Variants in GAS6 observed in about 807,000 individuals in gnomAD.
The protein encoded by GAS6 is growth arrest-specific protein 6.
In GAS6, 41 loss-of-function variants were observed where a neutral mutation model predicts 75.8. That is an observed-to-expected ratio of 0.54 (90% CI 0.42 to 0.70). The LOEUF is 0.70. Ranked by LOEUF, GAS6 falls within the 30% of genes least tolerant of loss-of-function variation. The pLI, the probability that GAS6 is intolerant of heterozygous loss-of-function variation, is 0.00. For synonymous variants in GAS6, 432 were observed against 412.6 expected (o/e 1.05, Z -0.57); for missense variants, 854 against 940.2 (o/e 0.91, Z 1.20).
intron 12 of GAS6, 36 bp downstream of exon 12, chr13:113,826,960 G>A (rs769521157): frequency 6.3e-7 from 1 of 1,591,060 alleles, no homozygotes; most frequent in Non-Finnish European, 8.6e-7. Flanking sequence ...TGAAGGTGCA[G>A]CCACAGCCAC....
At chr13:113,850,132 G>A (rs893084325) in intron 2 of GAS6, among the ~76,000 whole-genome samples, 2 of 152,122 alleles carry the variant, frequency 1.3e-5, no homozygotes, top group African/African-American at 4.8e-5. Context: ...CCCAGAAATG[G>A]CTTTGAGTAA....
intron 14 of GAS6, chr13:113,821,702 G>A: frequency 2.0e-6 from 1 of 498,922 alleles, no homozygotes; most frequent in South Asian, 3.5e-5. Context: ...CCCTGAAGAT[G>A]CAGGTTCGTG....
At chr13:113,856,410 T>A (rs1594209780) in intron 2 of GAS6, among the ~76,000 whole-genome samples, 3 of 152,058 alleles carry the variant, frequency 2.0e-5, no homozygotes, top group African/African-American at 4.8e-5. Flanking sequence ...AGTTTCCACA[T>A]CTGTAAAATG....
chr13:113,826,984 G>A lies in GAS6; in HGVS notation c.1477+12C>T. The A allele has an allele frequency of 6.2e-7, 1 of 1,611,520 alleles. No individual in the cohort carries two copies. The highest frequency in any genetic ancestry group is 8.5e-7 in the Non-Finnish European group (1 of 1,179,140). On this transcript the variant is annotated intron_variant, in intron 12 of 14. Transcript: ENST00000327773. The stretch of plus-strand genomic sequence containing the variant: ...AGCCACAGCCACCCCAACGGTAAGA[G>A]CCAAGACTTACTGTAGTCCAGGCTG...
Position 113,834,655 on chromosome 13 carries a change from G to T in GAS6, c.730C>A (p.Gln244Lys). 1 of 1,590,082 alleles carries T rather than the reference G, an allele frequency of 6.3e-7. No individual in the cohort carries two copies. Residue 244 changes from glutamine to lysine, a missense_variant, in exon 8 of 15, where the codon CAG (glutamine) becomes AAG (lysine). Transcript: ENST00000327773. The part of the protein sequence containing the change: ...KACRDVDECL[Q>K]GRCEQVCVNS... ...ACGCAGACCTGCTCACAGCGGCCCT[G>T]CAGACACTCGTCCACATCTGCCAGC...
chr13:113,828,139 C>G (rs934634575), intron 11 of GAS6, among the ~76,000 whole-genome samples: 6 of 152,136 alleles, frequency 3.9e-5, no homozygotes, highest in Non-Finnish European at 8.8e-5. Flanking sequence ...TGGCGGGCGC[C>G]TGTAGTCCCA....
At chr13:113,858,903 A>G (rs1199830309) in intron 2 of GAS6, among the ~76,000 whole-genome samples, 1 of 149,492 alleles carries the variant, frequency 6.7e-6, no homozygotes, top group Non-Finnish European at 1.5e-5. Flanking sequence ...GAATGTGTGC[A>G]TGTATGTGTA....
chr13:113,863,826 G>C lies in GAS6; in HGVS notation c.88+7C>G, dbSNP rs911591352. Reference sequence around the variant, plus strand: ...CGGGGACGGGGTCTCGGGCCCGCGGGACTCACCAAGCGCGCACTCCGCGGC... The same window carrying C: ...CGGGGACGGGGTCTCGGGCCCGCGGCACTCACCAAGCGCGCACTCCGCGGC... On this transcript the variant is annotated splice_region_variant and intron_variant, in intron 1 of 14. Coordinates refer to ENST00000327773, the MANE Select transcript of GAS6 (RefSeq NM_000820.4). The surrounding 1 kb of genome is among the most constrained non-coding windows in gnomAD (Gnocchi z 9.4). 46 of 1,358,846 alleles carry C rather than the reference G, an allele frequency of 3.4e-5. No individual in the cohort carries two copies. Among genetic ancestry groups the C allele is most frequent in the Non-Finnish European group, 4.2e-5 (45 of 1,066,380 alleles). The allele number at this position is 1,358,846 out of a possible 1,614,324, so 84.2% of individuals were successfully genotyped here. A position where few individuals can be genotyped will look rare whatever the true frequency, so the allele number is the denominator to read the frequency against.
intron 11 of GAS6, among the ~76,000 whole-genome samples, chr13:113,827,813 G>T (rs1476142621): frequency 2.6e-5 from 4 of 152,228 alleles, no homozygotes; most frequent in Non-Finnish European, 5.9e-5. Flanking sequence ...GGAGACACAG[G>T]TCGGGGGCAC....
chr13:113,846,813 C>T (rs1309165633), intron 3 of GAS6, among the ~76,000 whole-genome samples: 1 of 152,256 alleles, frequency 6.6e-6, no homozygotes, highest in Non-Finnish European at 1.5e-5. Flanking sequence ...TGTGCACCCA[C>T]AGTCAAGTGC....
Position 113,846,539 on chromosome 13 carries a change from T to C in GAS6, c.331A>G (p.Thr111Ala), listed in dbSNP as rs1232250578. ...SPYTKNSGFA[T>A]CVQNLPDQCT... ...GAGGCCGACTTACTTTGCACGCAGG[T>C]GGCGAAGCCTGAGTTTTTGGTGTAC... The change falls in exon 4 of 15, where the codon ACC (threonine) becomes GCC (alanine). Residue 111 changes from threonine to alanine, a missense_variant. Thr to Ala is a moderately conservative substitution (Grantham distance 58). Transcript: ENST00000327773. 6.2e-7 allele frequency: 1 copy of C among 1,614,054 alleles called. No homozygotes were observed. Among genetic ancestry groups the C allele is most frequent in the Admixed American group, 1.7e-5 (1 of 60,028 alleles).
At chr13:113,821,636 C>T (rs879904871) in intron 14 of GAS6, 36 of 371,470 alleles carry the variant, frequency 9.7e-5, no homozygotes, top group African/African-American at 7.2e-4. Context: ...CAGCCTGGCC[C>T]GAGGTCTGCC....
chr13:113,852,105 G>A (rs1053527834), intron 2 of GAS6, among the ~76,000 whole-genome samples: 4 of 152,222 alleles, frequency 2.6e-5, no homozygotes, highest in East Asian at 1.9e-4. Flanking sequence ...AGGCTCTGGC[G>A]CAACTGTGAG....
chr13:113,828,760 G>C, intron 10 of GAS6, 49 bp from the exon 11 acceptor site: 1 of 1,585,376 alleles, frequency 6.3e-7, no homozygotes, highest in Non-Finnish European at 8.6e-7. Context: ...ACGTTCTGAA[G>C]GGGCTCCCAA....
At chr13:113,821,775 C>A in intron 14 of GAS6, 183 bp downstream of exon 14, 2 of 584,918 alleles carry the variant, frequency 3.4e-6, no homozygotes, top group Non-Finnish European at 6.0e-6. Context: ...AATGACCTGA[C>A]CAGCACCGAG....
rs767392304 is a variant in GAS6 at position 113,835,587 on chromosome 13, T to C, written c.638A>G (p.Lys213Arg). 7 of 1,612,504 alleles carry C rather than the reference T, an allele frequency of 4.3e-6. No individual in the cohort carries two copies. Among genetic ancestry groups the C allele is most frequent in the Non-Finnish European group, 5.1e-6 (6 of 1,179,878 alleles). ...DSEACGEARC[K>R]NLPGSYSCLC... is the part of the protein sequence containing the mutation. Reference sequence around the variant, plus strand: ...GCAGGAGTAGGAGCCGGGCAGGTTCTTGCAGCGCGCCTCCCCGCAGGCCTC... The same window carrying C: ...GCAGGAGTAGGAGCCGGGCAGGTTCCTGCAGCGCGCCTCCCCGCAGGCCTC... The change falls in exon 7 of 15, where the codon AAG becomes AGG. Residue 213 changes from lysine to arginine, a missense_variant. Transcript: ENST00000327773.
chr13:113,861,482 A>C (rs2051970649), intron 2 of GAS6, among the ~76,000 whole-genome samples: 1 of 152,340 alleles, frequency 6.6e-6, no homozygotes, highest in East Asian at 1.9e-4. Flanking sequence ...ACAAAATGTA[A>C]AGTGAGCAAC....
intron 10 of GAS6, 26 bp downstream of exon 10, chr13:113,832,273 G>A: frequency 6.3e-7 from 1 of 1,592,554 alleles, no homozygotes; most frequent in Non-Finnish European, 8.5e-7. Context: ...CGTGAGGCCT[G>A]GAAGGGGTGG....
At position 113,844,116 on chromosome 13, in the gene GAS6, C is replaced by A. The variant is rs931579470; in HGVS notation, c.343+2411G>T. The A allele has an allele frequency of 6.6e-6, 1 of 150,892 alleles. No individual in the cohort carries two copies. Among genetic ancestry groups the A allele is most frequent in the Admixed American group, 6.5e-5 (1 of 15,276 alleles). The allele number at this position is 150,892 out of a possible 1,614,324, so 9.3% of individuals were successfully genotyped here. A position where few individuals can be genotyped will look rare whatever the true frequency, so the allele number is the denominator to read the frequency against. ...CACAGGCAGGGCAGCCTCTGAGGGC[C>A]GGCTCAGGGAGAGTGGCCGGAGCTT... On this transcript the variant is annotated intron_variant, in intron 4 of 14. Coordinates refer to ENST00000327773, the MANE Select transcript of GAS6 (RefSeq NM_000820.4). This position sits in a 1 kb window ranked among gnomAD's most constrained non-coding sequence, Gnocchi z 5.7.
Sources: allele counts gnomAD v4.1 joint callset (sites outside exome capture counted in the v4.1 genomes callset), GRCh38; gene constraint gnomAD v4.1.1; non-coding constraint Gnocchi (gnomAD v3.1); transcripts MANE v1.5; gene names NCBI Gene and HGNC (gene_info 2026-07-23, HGNC 2026-07-21).